The following IL16 variants were observed in gnomAD, a reference collection of about 807,000 sequenced individuals.
IL16 encodes interleukin 16, also known as pro-interleukin-16.
In IL16, 67 loss-of-function variants were observed where a neutral mutation model predicts 110.1. That is an observed-to-expected ratio of 0.61 (90% CI 0.50 to 0.75). IL16 has a LOEUF of 0.75. Ranked by LOEUF, IL16 falls within the 30% of genes least tolerant of loss-of-function variation. The probability of loss-of-function intolerance (pLI) is 0.00; values close to 1 mark genes in which losing one functional copy is unlikely to be tolerated. For missense variants in IL16, 1,545 were observed against 1,655.0 expected (o/e 0.93, Z 1.15); for synonymous variants, 689 against 662.9 (o/e 1.04, Z -0.61).
intron 15 of IL16, 73 bp downstream of exon 15, chr15:81,301,585 G>A (rs1900289623): frequency 7.2e-7 from 1 of 1,386,450 alleles, no homozygotes; most frequent in African/African-American, 1.4e-5. Context: ...AGTTGGGCCA[G>A]AGGGGAAGTA....
In IL16 at chr15:81,292,784, G is replaced by C; in HGVS notation, c.1649G>C (p.Arg550Pro). Reference protein sequence around the residue: ...STHSPSLPLAREPVVLSIASS... With the variant: ...STHSPSLPLAPEPVVLSIASS... ...CACAGCCCCAGCTTGCCTCTGGCAC[G>C]GGAGCCAGTGGTGCTTTCTATAGCA... Residue 550 changes from arginine to proline, a missense_variant, in exon 12 of 19, where the codon CGG becomes CCG. Physicochemically the swap from Arg to Pro is moderately radical, Grantham distance 103. Around this residue, in one of 3 missense-constraint regions of IL16, gnomAD observed 1,185 missense variants for 1,238.8 expected, o/e 0.96. Transcript: ENST00000683961. 2 of 1,614,094 alleles carry C rather than the reference G, an allele frequency of 1.2e-6. No homozygotes were observed. The highest frequency in any genetic ancestry group is 1.7e-6 in the Non-Finnish European group (2 of 1,180,010).
chr15:81,303,606 T>C lies in IL16; in HGVS notation c.3376T>C (p.Phe1126Leu). Residue 1126 changes from phenylalanine (F) to leucine (L), a missense_variant, in exon 16 of 19, where the codon TTC becomes CTC. Around this residue, in one of 3 missense-constraint regions of IL16, gnomAD observed 356 missense variants for 399.3 expected, o/e 0.89. Coordinates refer to ENST00000683961, the MANE Select transcript of IL16 (RefSeq NM_172217.5). This position sits in a 1 kb window ranked among gnomAD's most constrained non-coding sequence, Gnocchi z 4.1. ...LHKEEGAGLGFSLAGGADLEN... is the reference protein window; with the variant it reads ...LHKEEGAGLGLSLAGGADLEN... ...CAAGGAGGAAGGTGCTGGTCTTGGG[T>C]TCAGCTTGGCAGGAGGAGCAGATCT... 6.2e-7 allele frequency: 1 copy of C among 1,614,092 alleles called. No homozygotes were observed. Among genetic ancestry groups the C allele is most frequent in the South Asian group, 1.1e-5 (1 of 91,084 alleles).
chr15:81,231,992 C>T (rs1176451499), intron 2 of IL16, among the ~76,000 whole-genome samples: 1 of 127,526 alleles, frequency 7.8e-6, no homozygotes, highest in Non-Finnish European at 1.7e-5. Flanking sequence ...CTGAAGCTTT[C>T]TAATAAGCTT....
At chr15:81,233,459 C>CTA (rs368371605) in intron 2 of IL16, among the ~76,000 whole-genome samples, 2 of 143,370 alleles carry the variant, frequency 1.4e-5, no homozygotes, top group Non-Finnish European at 3.1e-5. Flanking sequence ...TCTTCTCTTT[C>CTA]TGTGTGTGTG....
intron 16 of IL16, among the ~76,000 whole-genome samples, chr15:81,304,578 A>T (rs77016804): frequency 0.012 from 1,866 of 152,342 alleles, 16 homozygotes; most frequent in Non-Finnish European, 0.02. Context: ...ATCCACGGCC[A>T]TGCTGAGCAC....
chr15:81,234,451 T>A (rs1897116252), intron 2 of IL16, among the ~76,000 whole-genome samples: 1 of 152,282 alleles, frequency 6.6e-6, no homozygotes, highest in East Asian at 1.9e-4. Context: ...ATATACAACA[T>A]ACAGTCTTAA....
chr15:81,285,244 G>A (rs1899392152), intron 9 of IL16, among the ~76,000 whole-genome samples: 1 of 152,102 alleles, frequency 6.6e-6, no homozygotes, highest in Non-Finnish European at 1.5e-5. Context: ...TGTTAGGTCC[G>A]ATATTCAACA....
chr15:81,284,746 A>T (rs188456513), intron 9 of IL16, among the ~76,000 whole-genome samples: 2 of 152,322 alleles, frequency 1.3e-5, no homozygotes, highest in African/African-American at 4.8e-5. Context: ...ACTGGGGCCT[A>T]TCACTGTTTT....
intron 1 of IL16, among the ~76,000 whole-genome samples, chr15:81,211,252 T>C (rs1896231430): frequency 6.7e-6 from 1 of 148,910 alleles, no homozygotes; most frequent in Non-Finnish European, 1.5e-5. Flanking sequence ...TTTTTTTCTT[T>C]CTTTTTTTTT....
intron 1 of IL16, among the ~76,000 whole-genome samples, chr15:81,185,241 G>A (rs190009079): frequency 6.6e-6 from 1 of 152,122 alleles, no homozygotes; most frequent in African/African-American, 2.4e-5. Flanking sequence ...GACAAGCATG[G>A]ATATAGTTTT....
intron 18 of IL16, chr15:81,306,756 G>T: frequency 3.2e-6 from 2 of 625,932 alleles, no homozygotes; most frequent in Admixed American, 2.4e-5. Context: ...CTGTTTTGAT[G>T]GGTCTTCAAA....
chr15:81,252,519 T>A (rs898193153), intron 2 of IL16, among the ~76,000 whole-genome samples: 3 of 152,184 alleles, frequency 2.0e-5, no homozygotes, highest in Admixed American at 2.0e-4. Flanking sequence ...CCATTTAAAG[T>A]GTAATGTTAA....
At chr15:81,275,182 T>C (rs1208714370) in intron 6 of IL16, among the ~76,000 whole-genome samples, 7 of 150,526 alleles carry the variant, frequency 4.7e-5, no homozygotes, top group Non-Finnish European at 1.0e-4. Flanking sequence ...CCAGGATGTG[T>C]AGGTTTGAGT....
intron 3 of IL16, among the ~76,000 whole-genome samples, chr15:81,264,805 A>C (rs981741291): frequency 6.6e-6 from 1 of 152,258 alleles, no homozygotes; most frequent in African/African-American, 2.4e-5. Flanking sequence ...AGGATGTAAA[A>C]TATCTCACTA....
At position 81,292,763 on chromosome 15, in the gene IL16, G is replaced by A. The variant is rs575653674; in HGVS notation, c.1628G>A (p.Ser543Asn). Residue 543 changes from serine (S) to asparagine (N), a missense_variant, in exon 12 of 19, where the codon AGC (serine) becomes AAC (asparagine). Transcript: ENST00000683961. The part of the protein sequence containing the change: ...PSSDVDISTH[S>N]PSLPLAREPV... ...TCTGACGTGGACATCAGCACACACA[G>A]CCCCAGCTTGCCTCTGGCACGGGAG... 24 of 1,614,168 alleles carry A rather than the reference G, an allele frequency of 1.5e-5. No individual in the cohort carries two copies. Among genetic ancestry groups the A allele is most frequent in the Admixed American group, 1.7e-5 (1 of 60,032 alleles).
chr15:81,231,080 T>C (rs1022977797), intron 2 of IL16, among the ~76,000 whole-genome samples: 1 of 152,068 alleles, frequency 6.6e-6, no homozygotes, highest in Non-Finnish European at 1.5e-5. Flanking sequence ...GGCTCATGCC[T>C]GTAATCCCAG....
At chr15:81,184,134 G>A (rs1163069246) in intron 1 of IL16, among the ~76,000 whole-genome samples, 1 of 152,196 alleles carries the variant, frequency 6.6e-6, no homozygotes, top group Admixed American at 6.5e-5. Context: ...AGATGACATG[G>A]ATGCATTTAC....
chr15:81,220,596 G>A (rs1026756608), intron 1 of IL16, among the ~76,000 whole-genome samples: 2 of 152,206 alleles, frequency 1.3e-5, no homozygotes, highest in Non-Finnish European at 2.9e-5. Flanking sequence ...GTAGGACACT[G>A]TTGGAGAATT....
At chr15:81,245,920 G>C (rs1897530029) in intron 2 of IL16, among the ~76,000 whole-genome samples, 1 of 151,776 alleles carries the variant, frequency 6.6e-6, no homozygotes, top group African/African-American at 2.4e-5. Context: ...CAAATATCTA[G>C]AGTTTTTAGT....
Sources: gnomAD v4.1 joint callset for allele counts (sites outside exome capture counted in the v4.1 genomes callset) on GRCh38, gnomAD v4.1.1 for gene constraint, gnomAD v4.1.1 regional missense constraint, Gnocchi (gnomAD v3.1) non-coding constraint, MANE v1.5 for transcripts, NCBI Gene and HGNC (gene_info 2026-07-23, HGNC 2026-07-21) for gene names.